KPNB1: variants seen among roughly 807,000 people sequenced by gnomAD.
The protein encoded by KPNB1 is importin subunit beta-1.
In KPNB1, 7 loss-of-function variants were observed where a neutral mutation model predicts 113.0. The observed-to-expected ratio is 0.06, with a 90% CI of 0.04 to 0.12. The LOEUF (loss-of-function observed/expected upper bound fraction) is 0.12. Ranked by LOEUF, KPNB1 falls within the 10% of genes least tolerant of loss-of-function variation. The pLI, the probability that KPNB1 is intolerant of heterozygous loss-of-function variation, is 1.00. For synonymous variants in KPNB1, 363 were observed against 378.6 expected, an observed-to-expected ratio of 0.96 and a Z score of 0.48; for missense variants, 400 against 1,054.8, an observed-to-expected ratio of 0.38 and a Z score of 8.60.
chr17:47,663,258 T>C (rs2030162533), intron 7 of KPNB1, 80 bp downstream of exon 7: 3 of 792,864 alleles, frequency 3.8e-6, no homozygotes, highest in East Asian at 2.5e-5. Context: ...TTGCCAATTC[T>C]GTAATATTTT....
chr17:47,663,093 G>A lies in KPNB1; in HGVS notation c.701G>A (p.Arg234Gln). The change falls in exon 7 of 22, where the codon CGA (arginine) becomes CAA (glutamine). Residue 234 changes from arginine to glutamine, a missense_variant. Transcript: ENST00000290158. ...EATQCPDTRV[R>Q]VAALQNLVKI... The stretch of plus-strand genomic sequence containing the variant: ...CTGATCTGCTGTTCATAAAAGGTAC[G>A]AGTGGCTGCTTTACAGAATCTGGTG... 1 of 1,566,174 alleles carries A rather than the reference G, an allele frequency of 6.4e-7. No individual in the cohort carries two copies.
In KPNB1 at chr17:47,650,454, A is replaced by G; in HGVS notation, c.99+10A>G. Reference sequence around the variant, plus strand: ...GGCCGTGGAGAACCTGGTGCGTGCTACCCCGCCGCGCCCATCCCGCCGCGT... The same window carrying G: ...GGCCGTGGAGAACCTGGTGCGTGCTGCCCCGCCGCGCCCATCCCGCCGCGT... On this transcript the variant is annotated intron_variant, in intron 2 of 21. Transcript: ENST00000290158. The G allele has an allele frequency of 6.4e-7, 1 of 1,559,184 alleles. No homozygotes were observed. Among genetic ancestry groups the G allele is most frequent in the Non-Finnish European group, 8.7e-7 (1 of 1,155,018 alleles).
At chr17:47,662,013 A>C (rs903071061) in intron 6 of KPNB1, among the ~76,000 whole-genome samples, 1 of 152,214 alleles carries the variant, frequency 6.6e-6, no homozygotes, top group African/African-American at 2.4e-5. Flanking sequence ...TGCTATACCC[A>C]AAACCTGACC....
chr17:47,662,205 G>C (rs2030122480), intron 6 of KPNB1: 1 of 152,370 alleles, frequency 6.6e-6, no homozygotes, highest in African/African-American at 2.4e-5. Flanking sequence ...GGAGGCTGAG[G>C]CAGGAGAATT....
chr17:47,681,999 A>AT (rs948840755), intron 21 of KPNB1, among the ~76,000 whole-genome samples: 3 of 151,190 alleles, frequency 2.0e-5, no homozygotes, highest in Non-Finnish European at 4.4e-5. Context: ...TGACTGGCTA[A>AT]TTTTTTTTTA....
At chr17:47,659,355 T>C (rs566372227) in intron 5 of KPNB1, among the ~76,000 whole-genome samples, 1 of 151,514 alleles carries the variant, frequency 6.6e-6, no homozygotes, top group Admixed American at 6.6e-5. Flanking sequence ...TCAAAAAAAA[T>C]AAAAAATAAA....
chr17:47,679,147 G>A (rs918009884), intron 19 of KPNB1, among the ~76,000 whole-genome samples: 2 of 150,410 alleles, frequency 1.3e-5, no homozygotes, highest in South Asian at 2.1e-4. Flanking sequence ...GGCTGCTCTC[G>A]AACTCCTGAG....
chr17:47,679,861 T>C lies in KPNB1; in HGVS notation c.2354-159T>C, dbSNP rs570170920. 555 of 533,078 alleles carry C rather than the reference T, an allele frequency of 1.0e-3. 2 individuals are homozygous for C. Among genetic ancestry groups the C allele is most frequent in the Non-Finnish European group, 1.5e-3 (430 of 294,054 alleles). 33.0% of individuals were successfully genotyped at this position (533,078 alleles called of 1,614,324 possible). A position where few individuals can be genotyped will look rare whatever the true frequency, so the allele number is the denominator to read the frequency against. On this transcript the variant is annotated intron_variant, in intron 19 of 21. Coordinates refer to ENST00000290158, the MANE Select transcript of KPNB1 (RefSeq NM_002265.6). Reference sequence around the variant, plus strand: ...ACAGGCGCCCGCCACCACGCCCGGCTAATTTTTTTGTATTTTTAGTAGAGA... The same window carrying C: ...ACAGGCGCCCGCCACCACGCCCGGCCAATTTTTTTGTATTTTTAGTAGAGA...
At chr17:47,672,665 G>A (rs1222427129) in intron 12 of KPNB1, among the ~76,000 whole-genome samples, 11 of 152,136 alleles carry the variant, frequency 7.2e-5, no homozygotes, top group African/African-American at 2.7e-4. Context: ...TGGGATTATA[G>A]GCATGAGCCA....
chr17:47,663,802 T>C (rs1261390537), intron 7 of KPNB1, among the ~76,000 whole-genome samples: 1 of 151,884 alleles, frequency 6.6e-6, no homozygotes, highest in African/African-American at 2.4e-5. Flanking sequence ...CTAGGCAATA[T>C]GGTGAAACCC....
In KPNB1 at chr17:47,669,765, C is replaced by T; in HGVS notation, c.1312C>T (p.Leu438=). 6.2e-7 allele frequency: 1 copy of T among 1,614,108 alleles called. No homozygotes were observed. The highest frequency in any genetic ancestry group is 8.5e-7 in the Non-Finnish European group (1 of 1,179,944). ...ATGGACTGTAGGCAGAATTTGTGAG[C>T]TGCTTCCTGAAGCTGCCATCAATGA... ...AAWTVGRICE[L]LPEAAINDVY... The change falls in exon 11 of 22, where the codon CTG becomes TTG. Residue 438 remains leucine, a synonymous_variant. Coordinates refer to ENST00000290158, the MANE Select transcript of KPNB1 (RefSeq NM_002265.6).
intron 10 of KPNB1, among the ~76,000 whole-genome samples, chr17:47,668,754 A>C (rs771849036): frequency 6.6e-6 from 1 of 152,088 alleles, no homozygotes; most frequent in Non-Finnish European, 1.5e-5. Context: ...TTGTTTCTTC[A>C]TTTAATACTA....
intron 12 of KPNB1, 111 bp downstream of exon 12, chr17:47,670,943 T>A: frequency 1.0e-6 from 1 of 964,000 alleles, no homozygotes; most frequent in Non-Finnish European, 1.5e-6. Flanking sequence ...AGGACAAGAC[T>A]CTACCTTCTC....
chr17:47,671,251 C>A (rs369219931), intron 12 of KPNB1, among the ~76,000 whole-genome samples: 4 of 151,744 alleles, frequency 2.6e-5, no homozygotes, highest in African/African-American at 9.7e-5. Context: ...GAGTGGAACT[C>A]GTCTCAAAAA....
intron 7 of KPNB1, 145 bp from the exon 8 acceptor site, chr17:47,664,014 T>C (rs1444063136): frequency 6.9e-6 from 4 of 582,368 alleles, no homozygotes; most frequent in Non-Finnish European, 6.2e-6. Context: ...AGAAAATCTT[T>C]CTTTTCCTAT....
intron 16 of KPNB1, among the ~76,000 whole-genome samples, chr17:47,676,807 CTTTTTTT>C (rs10649330): frequency 8.6e-6 from 1 of 116,258 alleles, no homozygotes; most frequent in Non-Finnish European, 1.7e-5. Flanking sequence ...GAGAGCAAGG[CTTTTTTT>C]TTTTTTTTTT....
chr17:47,674,288 G>A (rs1054154611), intron 14 of KPNB1, among the ~76,000 whole-genome samples: 2 of 152,180 alleles, frequency 1.3e-5, no homozygotes, highest in African/African-American at 4.8e-5. Flanking sequence ...GCTCTAAGGT[G>A]ATAGGGCCTT....
intron 5 of KPNB1, among the ~76,000 whole-genome samples, chr17:47,660,390 C>A (rs1482780389): frequency 6.6e-6 from 1 of 152,136 alleles, no homozygotes; most frequent in African/African-American, 2.4e-5. Flanking sequence ...CACCTTTTGG[C>A]TATTGTGGGT....
At chr17:47,657,395 G>A (rs561271130) in intron 4 of KPNB1, among the ~76,000 whole-genome samples, 10 of 152,240 alleles carry the variant, frequency 6.6e-5, no homozygotes, top group African/African-American at 1.9e-4. Flanking sequence ...ATGTTGTGGC[G>A]CATTTTCATT....
Sources: gnomAD v4.1 joint callset for allele counts (sites outside exome capture counted in the v4.1 genomes callset) on GRCh38, gnomAD v4.1.1 for gene constraint, MANE v1.5 for transcripts, NCBI Gene and HGNC (gene_info 2026-07-23, HGNC 2026-07-21) for gene names.